The following ARMC1 variants were observed in gnomAD, a reference collection of about 807,000 sequenced individuals.
ARMC1 encodes the protein armadillo repeat containing 1, also known as armadillo repeat-containing protein 1.
ARMC1 carries 16 observed loss-of-function variants against 31.4 expected under a neutral mutation model. The ratio of observed to expected loss-of-function variants is 0.51; its 90% CI spans 0.34 to 0.77. The LOEUF (loss-of-function observed/expected upper bound fraction) is 0.77, where lower values mean the gene tolerates loss of function less well. Ranked by LOEUF, ARMC1 falls within the 30% of genes least tolerant of loss-of-function variation. The pLI is 0.01. For missense variants in ARMC1, 259 were observed against 347.5 expected (o/e 0.75, Z 2.02); for synonymous variants, 114 against 118.9 (o/e 0.96, Z 0.27).
intron 4 of ARMC1, among the ~76,000 whole-genome samples, chr8:65,611,190 T>A (rs1254995270): frequency 6.6e-6 from 1 of 152,208 alleles, no homozygotes; most frequent in African/African-American, 2.4e-5. Flanking sequence ...TGCCTCAGCC[T>A]CCCAAAGTGC....
chr8:65,613,865 G>A (rs1439047827), intron 3 of ARMC1, among the ~76,000 whole-genome samples: 1 of 151,292 alleles, frequency 6.6e-6, no homozygotes, highest in African/African-American at 2.4e-5. Context: ...GAGTCTGAGA[G>A]AGGAGAATCA....
At chr8:65,623,892 A>G (rs10097461) in intron 2 of ARMC1, among the ~76,000 whole-genome samples, 91,896 of 143,400 alleles carry the variant, frequency 0.64, 29,364 homozygotes, top group African/African-American at 0.7. Flanking sequence ...CCACCCCCCG[A>G]GTTCAAGCGA....
chr8:65,632,856 CCTCA>C (rs1808677893), intron 1 of ARMC1: 1 of 152,188 alleles, frequency 6.6e-6, no homozygotes, highest in African/African-American at 2.4e-5. Context: ...AAGACCATAG[CCTCA>C]CTAACAAATG....
At chr8:65,604,966 C>T (rs1358584739) in intron 6 of ARMC1, among the ~76,000 whole-genome samples, 1 of 152,136 alleles carries the variant, frequency 6.6e-6, no homozygotes, top group African/African-American at 2.4e-5. Context: ...TATTTACTTG[C>T]CCAGTGGTTA....
chr8:65,612,729 G>A (rs1026765655), intron 4 of ARMC1, among the ~76,000 whole-genome samples: 59 of 151,936 alleles, frequency 3.9e-4, no homozygotes, highest in African/African-American at 1.4e-3. Flanking sequence ...AGGCATGGTG[G>A]TGCACACTCG....
chr8:65,632,410 G>T (rs1347860633), intron 1 of ARMC1, among the ~76,000 whole-genome samples: 1 of 152,120 alleles, frequency 6.6e-6, no homozygotes, highest in Non-Finnish European at 1.5e-5. Flanking sequence ...TCAGGTGATT[G>T]AGACCATCCT....
chr8:65,605,799 A>G (rs1365293049), intron 4 of ARMC1, among the ~76,000 whole-genome samples: 1 of 152,224 alleles, frequency 6.6e-6, no homozygotes, highest in Non-Finnish European at 1.5e-5. Context: ...GAAAGAAGTT[A>G]GCCAATGTTA....
intron 1 of ARMC1, 28 bp from the exon 2 acceptor site, chr8:65,627,461 C>T (rs1295002977): frequency 3.6e-6 from 5 of 1,378,542 alleles, no homozygotes; most frequent in African/African-American, 1.4e-5. Flanking sequence ...AGAATTAGTT[C>T]TAGGCTGCTG....
At chr8:65,625,188 T>G (rs1269550507) in intron 2 of ARMC1, among the ~76,000 whole-genome samples, 1 of 152,186 alleles carries the variant, frequency 6.6e-6, no homozygotes, top group Non-Finnish European at 1.5e-5. Flanking sequence ...ATCCCTCTCC[T>G]TAGCTCTGTC....
chr8:65,627,511 C>T (rs1442264370), intron 1 of ARMC1, 78 bp from the exon 2 acceptor site: 3 of 769,250 alleles, frequency 3.9e-6, no homozygotes, highest in Non-Finnish European at 5.6e-6. Context: ...AGGATTACAA[C>T]ACCTTTAGAA....
intron 4 of ARMC1, 64 bp downstream of exon 4, chr8:65,613,180 G>C (rs1808178730): frequency 1.5e-6 from 2 of 1,290,710 alleles, no homozygotes; most frequent in Non-Finnish European, 2.1e-6. Flanking sequence ...AAGACTGTTA[G>C]CAAGTGGCAC....
At chr8:65,616,290 G>A (rs1335683109) in intron 3 of ARMC1, among the ~76,000 whole-genome samples, 2 of 152,160 alleles carry the variant, frequency 1.3e-5, no homozygotes, top group Non-Finnish European at 1.5e-5. Context: ...GCGCTGCCAC[G>A]CCTGACTGGT....
chr8:65,613,997 A>G (rs952225259), intron 3 of ARMC1, among the ~76,000 whole-genome samples: 1 of 151,956 alleles, frequency 6.6e-6, no homozygotes, highest in African/African-American at 2.4e-5. Flanking sequence ...AAAAATAATC[A>G]AATACAAAAT....
intron 4 of ARMC1, among the ~76,000 whole-genome samples, chr8:65,610,209 T>C (rs548343294): frequency 6.6e-6 from 1 of 152,008 alleles, no homozygotes; most frequent in Non-Finnish European, 1.5e-5. Context: ...GCGATTCTCC[T>C]GACTCAACCT....
At chr8:65,617,342 A>G (rs1487315414) in intron 3 of ARMC1, among the ~76,000 whole-genome samples, 2 of 152,216 alleles carry the variant, frequency 1.3e-5, no homozygotes, top group Non-Finnish European at 2.9e-5. Context: ...GCTCTCTGAA[A>G]CATGTGCTGT....
In ARMC1 at chr8:65,627,449, G is replaced by A. The variant is rs193210111; in HGVS notation, c.-35-16C>T. 4.5e-5 allele frequency: 65 copies of A among 1,451,188 alleles called. No individual in the cohort carries two copies. The highest frequency in any genetic ancestry group is 5.6e-5 in the Non-Finnish European group (61 of 1,084,702). The allele number at this position is 1,451,188 out of a possible 1,614,324, so 89.9% of individuals were successfully genotyped here. ...ATCTTAAATTCTGTAGAAAAGGTTT[G>A]CAGAATTAGTTCTAGGCTGCTGAGG... On this transcript the variant is annotated splice_polypyrimidine_tract_variant and intron_variant, in intron 1 of 6. Coordinates refer to ENST00000276569, the MANE Select transcript of ARMC1 (RefSeq NM_018120.6).
At chr8:65,617,576 G>A (rs1398169034) in intron 3 of ARMC1, among the ~76,000 whole-genome samples, 1 of 151,546 alleles carries the variant, frequency 6.6e-6, no homozygotes, top group East Asian at 1.9e-4. Context: ...CTCTGACCCT[G>A]CCAAATCCCC....
intron 1 of ARMC1, among the ~76,000 whole-genome samples, chr8:65,633,254 T>TA (rs1254743709): frequency 6.6e-6 from 1 of 152,238 alleles, no homozygotes; most frequent in Non-Finnish European, 1.5e-5. Context: ...CCTAAATCCT[T>TA]ATTCAGTTAG....
At chr8:65,633,778 G>A (rs1180191700) in intron 1 of ARMC1, 1 of 152,340 alleles carries the variant, frequency 6.6e-6, no homozygotes, top group South Asian at 2.1e-4. Context: ...GTAAAAGTCA[G>A]ATGTGAGGGG....
Sources: gnomAD v4.1 joint callset for allele counts (sites outside exome capture counted in the v4.1 genomes callset) on GRCh38, gnomAD v4.1.1 for gene constraint, MANE v1.5 for transcripts, NCBI Gene and HGNC (gene_info 2026-07-23, HGNC 2026-07-21) for gene names.